ARHGAP29: variants seen among roughly 807,000 people sequenced by gnomAD.
The protein encoded by ARHGAP29 is Rho GTPase activating protein 29.
ARHGAP29 carries 43 observed loss-of-function variants against 122.6 expected under a neutral mutation model. That is an observed-to-expected ratio of 0.35 (90% CI 0.27 to 0.45). The LOEUF (loss-of-function observed/expected upper bound fraction) is 0.45. ARHGAP29 is among the 20% of genes least tolerant of loss of function. The probability of loss-of-function intolerance (pLI) is 1.00; values close to 1 mark genes in which losing one functional copy is unlikely to be tolerated. For missense variants in ARHGAP29, 1,303 were observed against 1,477.2 expected (o/e 0.88, Z 1.93); for synonymous variants, 506 against 497.1 (o/e 1.02, Z -0.24).
chr1:94,214,694 A>G (rs1455166393), intron 3 of ARHGAP29, among the ~76,000 whole-genome samples: 1 of 152,180 alleles, frequency 6.6e-6, no homozygotes, highest in Non-Finnish European at 1.5e-5. Context: ...GCTCATTAAA[A>G]TGTTGCTTAA....
chr1:94,206,978 T>TAG (rs934392518), intron 5 of ARHGAP29, among the ~76,000 whole-genome samples: 4 of 149,140 alleles, frequency 2.7e-5, no homozygotes, highest in East Asian at 3.9e-4. Context: ...TATATATATA[T>TAG]AGAGAGAGAG....
intron 1 of ARHGAP29, among the ~76,000 whole-genome samples, chr1:94,259,297 A>G (rs940414281): frequency 2.0e-5 from 3 of 152,212 alleles, no homozygotes; most frequent in African/African-American, 4.8e-5. Flanking sequence ...TTAGAAATAC[A>G]AGTAATGAAT....
chr1:94,233,111 G>C (rs534590940), intron 1 of ARHGAP29, among the ~76,000 whole-genome samples: 28 of 151,052 alleles, frequency 1.9e-4, no homozygotes, highest in African/African-American at 6.8e-4. Flanking sequence ...CACCTAGCTA[G>C]CTAAAAAAAA....
the ARHGAP29 span, among the ~76,000 whole-genome samples, chr1:94,287,130 T>C: frequency 6.6e-6 from 1 of 152,218 alleles, no homozygotes; most frequent in Non-Finnish European, 1.5e-5. Context: ...ATTAATTTGC[T>C]GGAGTGGCTC....
chr1:94,268,920 G>GTA (rs948838827), intron 1 of ARHGAP29, among the ~76,000 whole-genome samples: 12 of 151,986 alleles, frequency 7.9e-5, no homozygotes, highest in East Asian at 1.9e-4. Flanking sequence ...TTGTATGTAT[G>GTA]TATATATATA....
At position 94,189,290 on chromosome 1, in the gene ARHGAP29, T is replaced by C; in HGVS notation, c.1502A>G (p.Glu501Gly). The C allele has an allele frequency of 6.2e-7, 1 of 1,613,140 alleles. No individual in the cohort carries two copies. Among genetic ancestry groups the C allele is most frequent in the Non-Finnish European group, 8.5e-7 (1 of 1,179,472 alleles). ...PSGFGPANSL[E>G]DVVRLPDSSN... ...ACTGTCAGGAAGGCGTACAACATCC[T>C]CTAAAGAGTTGGCAGGTCCAAATCC... Residue 501 changes from glutamate to glycine, a missense_variant, in exon 14 of 23, where the codon GAG becomes GGG. Around this residue, in one of 3 missense-constraint regions of ARHGAP29, gnomAD observed 592 missense variants for 648.2 expected, o/e 0.91. Coordinates refer to ENST00000260526, the MANE Select transcript of ARHGAP29 (RefSeq NM_004815.4).
the ARHGAP29 span, among the ~76,000 whole-genome samples, chr1:94,309,721 G>T: frequency 6.6e-6 from 1 of 152,142 alleles, no homozygotes; most frequent in Non-Finnish European, 1.5e-5. Context: ...AGGTCCCAAG[G>T]TAGAAATAAA....
At chr1:94,219,136 C>T (rs148265503) in intron 3 of ARHGAP29, among the ~76,000 whole-genome samples, 183 of 152,282 alleles carry the variant, frequency 1.2e-3, no homozygotes, top group African/African-American at 3.9e-3. Flanking sequence ...CACAGGATTG[C>T]TGTTACCTTG....
the ARHGAP29 span, among the ~76,000 whole-genome samples, chr1:94,311,156 C>T: frequency 6.6e-6 from 1 of 152,192 alleles, no homozygotes; most frequent in Non-Finnish European, 1.5e-5. Flanking sequence ...TTGGAGAGGT[C>T]TGGGAGGGTT....
intron 1 of ARHGAP29, among the ~76,000 whole-genome samples, chr1:94,236,345 T>C (rs1320330418): frequency 1.3e-5 from 2 of 152,208 alleles, no homozygotes; most frequent in Non-Finnish European, 2.9e-5. Flanking sequence ...GTACTCTCCT[T>C]TGACCAGCCA....
intron 12 of ARHGAP29, chr1:94,193,360 G>C (rs931849425): frequency 8.2e-6 from 1 of 121,350 alleles, no homozygotes; most frequent in African/African-American, 3.1e-5. Flanking sequence ...AGAGGAAAAA[G>C]AATACTACAA....
intron 10 of ARHGAP29, 27 bp downstream of exon 10, chr1:94,202,891 T>C: frequency 1.3e-6 from 2 of 1,577,520 alleles, no homozygotes; most frequent in Non-Finnish European, 1.7e-6. Context: ...CACAAATAGG[T>C]ACATGAAACT....
intron 1 of ARHGAP29, among the ~76,000 whole-genome samples, chr1:94,233,534 C>A (rs975454006): frequency 3.9e-5 from 6 of 152,140 alleles, no homozygotes; most frequent in Non-Finnish European, 7.4e-5. Context: ...CTCATAATGT[C>A]ATTTCTCTAC....
chr1:94,248,928 G>C, intron 1 of ARHGAP29, among the ~76,000 whole-genome samples: 1 of 152,138 alleles, frequency 6.6e-6, no homozygotes, highest in East Asian at 1.9e-4. Flanking sequence ...TGCCCAGGCT[G>C]GTCTCAAACT....
intron 12 of ARHGAP29, 109 bp downstream of exon 12, chr1:94,201,611 G>T: frequency 7.4e-7 from 1 of 1,346,498 alleles, no homozygotes; most frequent in East Asian, 2.6e-5. Context: ...GGGCTCAAGT[G>T]ATCCTCCCAC....
intron 2 of ARHGAP29, among the ~76,000 whole-genome samples, chr1:94,226,272 CAA>C (rs1652606736): frequency 6.6e-6 from 1 of 151,902 alleles, no homozygotes; most frequent in South Asian, 2.1e-4. Context: ...TGAGAAACAG[CAA>C]TTTACTTTAT....
intron 2 of ARHGAP29, among the ~76,000 whole-genome samples, chr1:94,226,782 A>AT (rs1328360514): frequency 6.6e-6 from 1 of 151,926 alleles, no homozygotes; most frequent in Non-Finnish European, 1.5e-5. Flanking sequence ...GTCACTAAAC[A>AT]ATAATCTATT....
intron 3 of ARHGAP29, among the ~76,000 whole-genome samples, chr1:94,213,237 T>C (rs1230623936): frequency 6.6e-6 from 1 of 152,194 alleles, no homozygotes; most frequent in Non-Finnish European, 1.5e-5. Flanking sequence ...TGGAGTGCAG[T>C]GGCGTGATCT....
Position 94,172,772 on chromosome 1 carries a change from G to C in ARHGAP29, c.*1097C>G, listed in dbSNP as rs1186091152. On this transcript the variant is annotated 3_prime_UTR_variant, in exon 23 of 23. Coordinates refer to ENST00000260526, the MANE Select transcript of ARHGAP29 (RefSeq NM_004815.4). ...CCCAGAAAATAACAGGAATGTACTA[G>C]TCCTAAAAACTGGACCTTTTATAAA... 1 of 152,284 alleles carries C rather than the reference G, an allele frequency of 6.6e-6. No homozygotes were observed. Among genetic ancestry groups the C allele is most frequent in the Non-Finnish European group, 1.5e-5 (1 of 67,958 alleles). The allele number at this position is 152,284 out of a possible 1,614,324, so 9.4% of individuals were successfully genotyped here.
Sources: gnomAD v4.1 joint callset for allele counts (sites outside exome capture counted in the v4.1 genomes callset) on GRCh38, gnomAD v4.1.1 for gene constraint, gnomAD v4.1.1 regional missense constraint, MANE v1.5 for transcripts, NCBI Gene and HGNC (gene_info 2026-07-23, HGNC 2026-07-21) for gene names.